The following EYA2 variants were observed in gnomAD, a reference collection of about 807,000 sequenced individuals.
The protein encoded by EYA2 is protein phosphatase EYA2.
In EYA2, 31 loss-of-function variants were observed where a neutral mutation model predicts 69.2. That is an observed-to-expected ratio of 0.45 (90% CI 0.34 to 0.60). EYA2 has a LOEUF of 0.60. Among genes scored for constraint, EYA2 ranks in the 20% least tolerant of loss-of-function variants. The probability of loss-of-function intolerance (pLI) is 0.02; values close to 1 mark genes in which losing one functional copy is unlikely to be tolerated. For synonymous variants in EYA2, 257 were observed against 279.4 expected (o/e 0.92, Z 0.80); for missense variants, 622 against 701.2 (o/e 0.89, Z 1.28).
intron 1 of EYA2, among the ~76,000 whole-genome samples, chr20:46,964,275 G>A (rs1979649628): frequency 6.6e-6 from 1 of 152,176 alleles, no homozygotes. Flanking sequence ...GGTTTTAGTG[G>A]GGGGCATGAC....
chr20:46,910,019 G>T (rs574282109), intron 1 of EYA2, among the ~76,000 whole-genome samples: 1 of 152,280 alleles, frequency 6.6e-6, no homozygotes, highest in East Asian at 1.9e-4. Context: ...TCAAGTAAGG[G>T]TGTTTGTCTT....
At chr20:46,916,164 C>G (rs1480840051) in intron 1 of EYA2, among the ~76,000 whole-genome samples, 1 of 152,186 alleles carries the variant, frequency 6.6e-6, no homozygotes, top group African/African-American at 2.4e-5. Flanking sequence ...CACTTGCCAT[C>G]CCTGCGTGCC....
intron 1 of EYA2, among the ~76,000 whole-genome samples, chr20:46,983,324 A>C (rs1252713026): frequency 6.6e-6 from 1 of 152,180 alleles, no homozygotes; most frequent in East Asian, 1.9e-4. Context: ...TCTCCTCCAA[A>C]AGAAAAGTTT....
chr20:46,900,011 T>A (rs558503539), intron 1 of EYA2, among the ~76,000 whole-genome samples: 2 of 152,236 alleles, frequency 1.3e-5, no homozygotes, highest in Non-Finnish European at 2.9e-5. Flanking sequence ...AGAAACTCTT[T>A]TGTCATTTGG....
At chr20:47,126,578 TG>T (rs2033197188) in intron 9 of EYA2, among the ~76,000 whole-genome samples, 1 of 152,204 alleles carries the variant, frequency 6.6e-6, no homozygotes, top group Admixed American at 6.5e-5. Flanking sequence ...GACTTAGGTT[TG>T]TTTTTTTTCA....
chr20:46,896,970 TATAAA>T lies in EYA2; in HGVS notation c.-11+1995_-11+1999del, dbSNP rs1386991214. Among the ~76,000 whole-genome samples the T allele has an allele frequency of 2.0e-4, 31 of 152,204 alleles. 1 individual carries two copies. The highest frequency in any genetic ancestry group is 4.1e-4 in the African/African-American group (17 of 41,530). On this transcript the variant is annotated intron_variant, in intron 1 of 15. Transcript: ENST00000327619. ...CCAATATCAGAAAAACTAAAGGAAA[TATAAA>T]ATAAAATAAAAAGATGTGTATCTCA...
chr20:47,023,356 CTGT>C (rs138767168), intron 5 of EYA2, among the ~76,000 whole-genome samples: 18,573 of 152,132 alleles, frequency 0.12, 1,194 homozygotes, highest in South Asian at 0.15. Context: ...TTCTCTATCA[CTGT>C]TGTTGTTGTT....
chr20:47,168,012 C>G (rs530555242), intron 10 of EYA2, among the ~76,000 whole-genome samples: 169 of 152,130 alleles, frequency 1.1e-3, no homozygotes, highest in African/African-American at 3.9e-3. Flanking sequence ...ATCCACCATT[C>G]AGCAGCCCCA....
chr20:47,169,501 T>C (rs1252163517), intron 11 of EYA2, among the ~76,000 whole-genome samples: 1 of 152,034 alleles, frequency 6.6e-6, no homozygotes, highest in South Asian at 2.1e-4. Context: ...AATAAATGAG[T>C]AAAAATTTGT....
At chr20:47,175,744 C>T (rs117608384) in intron 12 of EYA2, among the ~76,000 whole-genome samples, 1,710 of 152,244 alleles carry the variant, frequency 0.011, 11 homozygotes, top group Non-Finnish European at 0.016. Flanking sequence ...CAAGACAGCA[C>T]GTTGGGAAGC....
chr20:46,995,429 C>T (rs751441641), intron 2 of EYA2, among the ~76,000 whole-genome samples: 3 of 152,174 alleles, frequency 2.0e-5, no homozygotes, highest in African/African-American at 4.8e-5. Flanking sequence ...TGGCACCTCC[C>T]GCAAGAGACA....
intron 9 of EYA2, among the ~76,000 whole-genome samples, chr20:47,127,580 G>A (rs935508947): frequency 6.6e-6 from 1 of 152,220 alleles, no homozygotes; most frequent in Non-Finnish European, 1.5e-5. Flanking sequence ...AAGAAAATAT[G>A]TATGAAGAGC....
chr20:47,149,096 A>G (rs78573725), intron 10 of EYA2, among the ~76,000 whole-genome samples: 1 of 152,172 alleles, frequency 6.6e-6, no homozygotes, highest in South Asian at 2.1e-4. Flanking sequence ...AAAAAAAAAA[A>G]CAAGTATTAT....
At chr20:47,018,971 G>A (rs1019372921) in intron 5 of EYA2, among the ~76,000 whole-genome samples, 4 of 152,214 alleles carry the variant, frequency 2.6e-5, no homozygotes, top group African/African-American at 7.2e-5. Context: ...AATCTCCCCA[G>A]TAGCCCCGTG....
At chr20:47,088,567 C>T (rs2031970978) in intron 7 of EYA2, among the ~76,000 whole-genome samples, 1 of 152,118 alleles carries the variant, frequency 6.6e-6, no homozygotes, top group African/African-American at 2.4e-5. Context: ...TCCCCGCTGC[C>T]CCACCCTGAT....
At position 47,188,607 on chromosome 20, in the gene EYA2, A is replaced by C. The variant is rs1046667; in HGVS notation, c.*474A>C. 199,305 of 387,948 alleles carry C rather than the reference A, an allele frequency of 0.51. 54,039 individuals are homozygous for C. The highest frequency in any genetic ancestry group is 0.81 in the African/African-American group (39,233 of 48,644). 24.0% of individuals were successfully genotyped at this position (387,948 alleles called of 1,614,324 possible). ...TTCACAGTTCTAATGTAAGCACTCT[A>C]TTCTCCAAGTTGTGCTTTGTGGGGA... is the stretch of plus-strand genomic sequence containing the variant. On this transcript the variant is annotated 3_prime_UTR_variant, in exon 16 of 16. Coordinates refer to ENST00000327619, the MANE Select transcript of EYA2 (RefSeq NM_005244.5).
chr20:46,995,479 C>T (rs1191813838), intron 2 of EYA2, among the ~76,000 whole-genome samples: 1 of 152,154 alleles, frequency 6.6e-6, no homozygotes, highest in Non-Finnish European at 1.5e-5. Context: ...CAGTGACAGT[C>T]AGAATTGGGG....
At chr20:47,120,308 C>T (rs1012744265) in intron 9 of EYA2, among the ~76,000 whole-genome samples, 1 of 151,880 alleles carries the variant, frequency 6.6e-6, no homozygotes, top group Non-Finnish European at 1.5e-5. Context: ...CCCAGGAGTT[C>T]AAGGCTGTGG....
At chr20:46,981,707 C>G (rs1394100683) in intron 1 of EYA2, among the ~76,000 whole-genome samples, 2 of 152,042 alleles carry the variant, frequency 1.3e-5, no homozygotes, top group Non-Finnish European at 2.9e-5. Flanking sequence ...CCCTGTAAAT[C>G]TCTAATAATG....
Sources: allele counts gnomAD v4.1 joint callset (sites outside exome capture counted in the v4.1 genomes callset), GRCh38; gene constraint gnomAD v4.1.1; transcripts MANE v1.5; gene names NCBI Gene and HGNC (gene_info 2026-07-23, HGNC 2026-07-21).